DCDC2: variants seen among roughly 807,000 people sequenced by gnomAD.
DCDC2 encodes doublecortin domain containing 2.
A neutral mutation model predicts 50.2 loss-of-function variants in DCDC2; 40 were observed. That is an observed-to-expected ratio of 0.80 (90% CI 0.62 to 1.04). The LOEUF is 1.04. DCDC2 is among the 50% of genes least tolerant of loss of function. The pLI is 0.00. For synonymous variants in DCDC2, 234 were observed against 210.6 expected (o/e 1.11, Z -0.96); for missense variants, 570 against 581.9 (o/e 0.98, Z 0.21).
At chr6:24,328,454 G>C (rs1250272062) in intron 2 of DCDC2, among the ~76,000 whole-genome samples, 1 of 152,186 alleles carries the variant, frequency 6.6e-6, no homozygotes, top group Non-Finnish European at 1.5e-5. Flanking sequence ...GGGGGAGTTT[G>C]TATAGTTTGA....
At chr6:24,359,189 T>TTA (rs1760586076), upstream of DCDC2, among the ~76,000 whole-genome samples, 4 of 53,718 alleles carry the variant, frequency 7.4e-5, no homozygotes, top group Admixed American at 3.6e-4. Flanking sequence ...TTTATATATT[T>TTA]TATATATTAT....
At chr6:24,248,281 C>A (rs955555802) in intron 7 of DCDC2, among the ~76,000 whole-genome samples, 7 of 152,068 alleles carry the variant, frequency 4.6e-5, no homozygotes, top group Admixed American at 2.0e-4. Context: ...CGGTGCAGTG[C>A]GGGGGAGCAG....
intron 8 of DCDC2, among the ~76,000 whole-genome samples, chr6:24,178,887 A>C (rs145877016): frequency 3.9e-5 from 6 of 152,100 alleles, no homozygotes. Flanking sequence ...TGAGAAAACT[A>C]AACAGGTGGA....
At chr6:24,353,104 G>A (rs923978121) in intron 2 of DCDC2, 1 of 298,672 alleles carries the variant, frequency 3.3e-6, no homozygotes, top group Non-Finnish European at 6.6e-6. Flanking sequence ...AAACACAGGT[G>A]TTTTCCTGAC....
intron 8 of DCDC2, among the ~76,000 whole-genome samples, chr6:24,184,403 G>A (rs1382012708): frequency 5.3e-5 from 8 of 151,826 alleles, no homozygotes; most frequent in South Asian, 4.1e-4. Context: ...ATGAAACCCC[G>A]TCTCTACTAA....
intron 2 of DCDC2, among the ~76,000 whole-genome samples, chr6:24,335,751 G>A (rs4580860): frequency 0.31 from 47,249 of 152,100 alleles, 8,959 homozygotes; most frequent in African/African-American, 0.54. Context: ...TCTTCACGTG[G>A]TGGCAGGAGA....
At chr6:24,307,267 G>A (rs143999869) in intron 2 of DCDC2, among the ~76,000 whole-genome samples, 2 of 152,198 alleles carry the variant, frequency 1.3e-5, no homozygotes, top group Non-Finnish European at 2.9e-5. Flanking sequence ...CTAAAGAGGT[G>A]AGGAAAGGAT....
intron 7 of DCDC2, among the ~76,000 whole-genome samples, chr6:24,225,400 A>AC (rs1219929222): frequency 2.0e-5 from 3 of 152,144 alleles, no homozygotes; most frequent in African/African-American, 7.2e-5. Flanking sequence ...ACATGCAGTT[A>AC]AACTTGATAC....
chr6:24,331,879 CAAG>C (rs1052175688), intron 2 of DCDC2, among the ~76,000 whole-genome samples: 5 of 152,030 alleles, frequency 3.3e-5, no homozygotes, highest in South Asian at 2.1e-4. Flanking sequence ...ACCAGAAAAC[CAAG>C]AAGGAGAAAT....
In DCDC2 at chr6:24,235,123, C is replaced by T. The variant is rs183674824; in HGVS notation, c.923-30021G>A. On this transcript the variant is annotated intron_variant, in intron 7 of 9. Transcript: ENST00000378454. ...AGTAGCACTTAATTTAGCTATATTA[C>T]ATCTAAAAACTTGAATTTTACTCAT... Among the ~76,000 whole-genome samples the T allele has an allele frequency of 1.0e-3, 152 of 152,246 alleles. 1 individual carries two copies. Among genetic ancestry groups the T allele is most frequent in the Admixed American group, 9.0e-3 (138 of 15,280 alleles).
At chr6:24,306,551 C>T (rs57860605) in intron 2 of DCDC2, among the ~76,000 whole-genome samples, 2,758 of 123,342 alleles carry the variant, frequency 0.022, 50 homozygotes, top group African/African-American at 0.055. Flanking sequence ...GATAGACAGA[C>T]AGACAGACAG....
intron 2 of DCDC2, among the ~76,000 whole-genome samples, chr6:24,331,584 A>G (rs184814901): frequency 5.7e-4 from 86 of 152,144 alleles, no homozygotes; most frequent in Non-Finnish European, 1.1e-3. Context: ...TTATATCTAA[A>G]TAGATATTTG....
At chr6:24,336,687 A>G (rs543410520) in intron 2 of DCDC2, among the ~76,000 whole-genome samples, 149 of 152,228 alleles carry the variant, frequency 9.8e-4, no homozygotes, top group African/African-American at 3.4e-3. Flanking sequence ...AGCCTGATAA[A>G]GCAGCCAATA....
In DCDC2 at chr6:24,174,259, T is replaced by A. The variant is rs762703982; in HGVS notation, c.*471A>T. ...ATGGACACATTTTGATCTACTGCCATCTCCAAATTATGTCTGAAAGTAAAT... is the reference window on the plus strand; with the variant it reads ...ATGGACACATTTTGATCTACTGCCAACTCCAAATTATGTCTGAAAGTAAAT... On this transcript the variant is annotated 3_prime_UTR_variant, in exon 10 of 10. Transcript: ENST00000378454. 1 of 153,112 alleles carries A rather than the reference T, an allele frequency of 6.5e-6. No homozygotes were observed. Among genetic ancestry groups the A allele is most frequent in the Non-Finnish European group, 1.5e-5 (1 of 68,354 alleles). 9.5% of individuals were successfully genotyped at this position (153,112 alleles called of 1,614,324 possible). A position where few individuals can be genotyped will look rare whatever the true frequency, so the allele number is the denominator to read the frequency against.
intron 7 of DCDC2, among the ~76,000 whole-genome samples, chr6:24,232,857 T>C (rs1762366620): frequency 6.6e-6 from 1 of 152,134 alleles, no homozygotes; most frequent in African/African-American, 2.4e-5. Context: ...ACTTGTTTCA[T>C]GCTGTACTTC....
chr6:24,306,569 GACAGA>G (rs1561768325), intron 2 of DCDC2, among the ~76,000 whole-genome samples: 9 of 147,570 alleles, frequency 6.1e-5, no homozygotes, highest in African/African-American at 2.3e-4. Flanking sequence ...CAGACAGACA[GACAGA>G]CAAAATATTT....
intron 2 of DCDC2, among the ~76,000 whole-genome samples, chr6:24,308,234 G>A (rs1759509266): frequency 6.6e-6 from 1 of 152,214 alleles, no homozygotes; most frequent in African/African-American, 2.4e-5. Context: ...ATAGCTAATA[G>A]CTGGACTAAT....
intron 2 of DCDC2, among the ~76,000 whole-genome samples, chr6:24,341,020 C>T (rs539630985): frequency 9.8e-5 from 15 of 152,348 alleles, no homozygotes; most frequent in African/African-American, 3.6e-4. Context: ...GCCATGGAAC[C>T]TGGCCATTAT....
chr6:24,313,208 AAAAT>A (rs1455878939), intron 2 of DCDC2, among the ~76,000 whole-genome samples: 2 of 152,226 alleles, frequency 1.3e-5, no homozygotes, highest in Non-Finnish European at 2.9e-5. Flanking sequence ...CACTTACAAG[AAAAT>A]AAATGTTACT....
Sources: allele counts gnomAD v4.1 joint callset (sites outside exome capture counted in the v4.1 genomes callset), GRCh38; gene constraint gnomAD v4.1.1; transcripts MANE v1.5; gene names NCBI Gene and HGNC (gene_info 2026-07-23, HGNC 2026-07-21).